FAM81A: variants seen among roughly 807,000 people sequenced by gnomAD.
FAM81A encodes the protein protein FAM81A.
A neutral mutation model predicts 46.7 loss-of-function variants in FAM81A; 19 were observed. The observed-to-expected ratio is 0.41, with a 90% CI of 0.28 to 0.60. The LOEUF (loss-of-function observed/expected upper bound fraction) is 0.60, where lower values mean the gene tolerates loss of function less well. Ranked by LOEUF, FAM81A falls within the 20% of genes least tolerant of loss-of-function variation. The probability of loss-of-function intolerance (pLI) is 0.34; values close to 1 mark genes in which losing one functional copy is unlikely to be tolerated. For synonymous variants in FAM81A, 183 were observed against 152.9 expected (o/e 1.20, Z -1.45); for missense variants, 377 against 453.5 (o/e 0.83, Z 1.53).
At chr15:59,474,984 A>G (rs1029757970) in intron 3 of FAM81A, among the ~76,000 whole-genome samples, 2 of 152,140 alleles carry the variant, frequency 1.3e-5, no homozygotes, top group East Asian at 3.8e-4. Flanking sequence ...TGTTTATGAA[A>G]CTAGATAATT....
At chr15:59,412,478 C>A (rs890232793) in intron 2 of FAM81A, among the ~76,000 whole-genome samples, 1 of 152,090 alleles carries the variant, frequency 6.6e-6, no homozygotes, top group Admixed American at 6.5e-5. Context: ...GTAATCCCAA[C>A]GCTTTGGGAG....
chr15:59,434,402 CT>C (rs2081234217), upstream of FAM81A, among the ~76,000 whole-genome samples: 1 of 152,224 alleles, frequency 6.6e-6, no homozygotes, highest in Non-Finnish European at 1.5e-5. Flanking sequence ...TGACCTACAC[CT>C]TTCTTGCATT....
At chr15:59,488,844 G>C (rs2141743333) in intron 3 of FAM81A, among the ~76,000 whole-genome samples, 1 of 152,214 alleles carries the variant, frequency 6.6e-6, no homozygotes, top group African/African-American at 2.4e-5. Context: ...TGAGCGTGCT[G>C]CTGTGTGCCT....
At chr15:59,498,966 G>T (rs568986872) in intron 4 of FAM81A, among the ~76,000 whole-genome samples, 6 of 152,184 alleles carry the variant, frequency 3.9e-5, no homozygotes, top group South Asian at 2.1e-4. Context: ...ACCGCACCCA[G>T]CCCAAATGTG....
upstream of FAM81A, among the ~76,000 whole-genome samples, chr15:59,434,689 C>G (rs1196337722): frequency 2.6e-5 from 4 of 152,178 alleles, no homozygotes; most frequent in African/African-American, 4.8e-5. Flanking sequence ...TTCTTTGGCA[C>G]TCTATTATTG....
At chr15:59,505,250 A>G (rs2082136691) in intron 4 of FAM81A, among the ~76,000 whole-genome samples, 1 of 152,108 alleles carries the variant, frequency 6.6e-6, no homozygotes, top group South Asian at 2.1e-4. Context: ...GGTGGCACAC[A>G]TCTGTAATCC....
chr15:59,492,152 A>G, intron 3 of FAM81A, 119 bp from the exon 4 acceptor site: 1 of 697,388 alleles, frequency 1.4e-6, no homozygotes, highest in Non-Finnish European at 2.5e-6. Flanking sequence ...GACTGTTGAA[A>G]AGGAGTCTCT....
At chr15:59,433,384 G>A (rs893209476), upstream of FAM81A, among the ~76,000 whole-genome samples, 14 of 151,916 alleles carry the variant, frequency 9.2e-5, no homozygotes, top group Admixed American at 2.0e-4. Context: ...TCCCTGTTAT[G>A]TACAACTGCA....
At chr15:59,443,757 C>T (rs1033116100) in intron 1 of FAM81A, among the ~76,000 whole-genome samples, 1 of 152,282 alleles carries the variant, frequency 6.6e-6, no homozygotes, top group East Asian at 1.9e-4. Context: ...GCACAGTCTC[C>T]CTCCATTCGT....
intron 1 of FAM81A, among the ~76,000 whole-genome samples, chr15:59,447,579 G>A (rs1045517256): frequency 1.3e-5 from 2 of 152,204 alleles, no homozygotes; most frequent in Admixed American, 6.5e-5. Context: ...TGGTTAATTT[G>A]TGGAAAGCTC....
At chr15:59,516,012 T>A (rs77406989) in intron 7 of FAM81A, among the ~76,000 whole-genome samples, 6,328 of 152,264 alleles carry the variant, frequency 0.042, 151 homozygotes, top group African/African-American at 0.056. Context: ...CCATTCTGGC[T>A]GAATTCCAGA....
At chr15:59,493,300 T>C (rs1596526141) in intron 4 of FAM81A, among the ~76,000 whole-genome samples, 1 of 152,140 alleles carries the variant, frequency 6.6e-6, no homozygotes, top group Non-Finnish European at 1.5e-5. Flanking sequence ...TGTTTGAGTC[T>C]GCTGGGTAAA....
chr15:59,516,991 T>C (rs1445596338), intron 8 of FAM81A, among the ~76,000 whole-genome samples, 151 bp downstream of exon 8: 1 of 152,188 alleles, frequency 6.6e-6, no homozygotes, highest in African/African-American at 2.4e-5. Flanking sequence ...GTGCTGTATT[T>C]TCTAAGTAGC....
chr15:59,438,870 T>C (rs1388688988), intron 1 of FAM81A, among the ~76,000 whole-genome samples: 1 of 152,204 alleles, frequency 6.6e-6, no homozygotes, highest in East Asian at 1.9e-4. Flanking sequence ...TGGAAGATTA[T>C]GGAGCAAGCA....
At chr15:59,483,897 G>A (rs1238881130) in intron 3 of FAM81A, among the ~76,000 whole-genome samples, 1 of 152,204 alleles carries the variant, frequency 6.6e-6, no homozygotes, top group Admixed American at 6.5e-5. Flanking sequence ...CCATGGAGGG[G>A]TGGACAGGTT....
chr15:59,481,440 CA>C (rs199603028), intron 3 of FAM81A, among the ~76,000 whole-genome samples: 16 of 149,534 alleles, frequency 1.1e-4, no homozygotes, highest in Admixed American at 6.7e-4. Context: ...GTTGGACATA[CA>C]AAAAAAAAGA....
chr15:59,453,205 C>G (rs140114363), intron 1 of FAM81A, among the ~76,000 whole-genome samples: 1 of 152,318 alleles, frequency 6.6e-6, no homozygotes, highest in African/African-American at 2.4e-5. Context: ...ATTCCATAGC[C>G]TCCTGTGGCT....
chr15:59,513,319 A>G (rs1191114594), intron 6 of FAM81A, among the ~76,000 whole-genome samples: 9 of 152,182 alleles, frequency 5.9e-5, no homozygotes, highest in African/African-American at 1.9e-4. Flanking sequence ...CCCAAGAGAT[A>G]AAAGGGACTA....
At chr15:59,509,545 T>C (rs1406998339) in intron 6 of FAM81A, among the ~76,000 whole-genome samples, 2 of 152,050 alleles carry the variant, frequency 1.3e-5, no homozygotes, top group Non-Finnish European at 2.9e-5. Context: ...AGGGAGGCAA[T>C]AGGGTCACAG....
Sources: gnomAD v4.1 joint callset for allele counts (sites outside exome capture counted in the v4.1 genomes callset) on GRCh38, gnomAD v4.1.1 for gene constraint, MANE v1.5 for transcripts, NCBI Gene and HGNC (gene_info 2026-07-23, HGNC 2026-07-21) for gene names.